Variants in PRRX1 observed in about 807,000 individuals in gnomAD.
The protein encoded by PRRX1 is paired related homeobox 1.
In PRRX1, 8 loss-of-function variants were observed where a neutral mutation model predicts 24.0. The ratio of observed to expected loss-of-function variants is 0.33; its 90% CI spans 0.20 to 0.60. PRRX1 has a LOEUF of 0.60. PRRX1 is among the 20% of genes least tolerant of loss of function. The pLI is 0.82. For missense variants in PRRX1, 281 were observed against 322.4 expected (o/e 0.87, Z 0.98); for synonymous variants, 160 against 131.7 (o/e 1.22, Z -1.47).
intron 1 of PRRX1, among the ~76,000 whole-genome samples, chr1:170,671,467 C>A (rs939034427): frequency 6.6e-6 from 1 of 152,216 alleles, no homozygotes; most frequent in African/African-American, 2.4e-5. Context: ...CGCTGCTTTC[C>A]GCCGGGTAAA....
intron 1 of PRRX1, among the ~76,000 whole-genome samples, chr1:170,712,411 C>T (rs1654780007): frequency 6.6e-6 from 1 of 152,144 alleles, no homozygotes; most frequent in Admixed American, 6.6e-5. Context: ...GTTATGCTCT[C>T]CATCAAACAT....
chr1:170,665,527 A>C (rs924369686), intron 1 of PRRX1, among the ~76,000 whole-genome samples: 1 of 152,190 alleles, frequency 6.6e-6, no homozygotes, highest in South Asian at 2.1e-4. Context: ...GTTGCTTTCT[A>C]TGTCAGTAGT....
intron 1 of PRRX1, among the ~76,000 whole-genome samples, chr1:170,717,506 A>G (rs565765063): frequency 5.3e-5 from 8 of 152,204 alleles, no homozygotes; most frequent in Non-Finnish European, 1.0e-4. Flanking sequence ...AAAACAAGTC[A>G]TGGGATTGGC....
intron 1 of PRRX1, among the ~76,000 whole-genome samples, chr1:170,665,041 G>C (rs866792594): frequency 6.6e-6 from 1 of 152,238 alleles, no homozygotes; most frequent in African/African-American, 2.4e-5. Context: ...CCAGACGCTG[G>C]AGCTGCTCTC....
rs973345162 is a variant in PRRX1, at chr1:170,693,042, A to C, written c.242-26684A>C. On this transcript the variant is annotated intron_variant, in intron 1 of 3. Transcript: ENST00000239461. ...TCCAACCCAACCTTCAATTTATTCCACTTAGGCTAGTCACAGCATTTTTCC... is the reference window on the plus strand; with the variant it reads ...TCCAACCCAACCTTCAATTTATTCCCCTTAGGCTAGTCACAGCATTTTTCC... 8.5e-5 allele frequency among the ~76,000 whole-genome samples: 13 copies of C among 152,092 alleles called. No individual in the cohort carries two copies. The East Asian group carries it at 1.4e-3, about 16-fold the overall frequency.
chr1:170,725,385 G>A (rs1655224535), intron 2 of PRRX1, among the ~76,000 whole-genome samples: 2 of 152,110 alleles, frequency 1.3e-5, no homozygotes, highest in African/African-American at 4.8e-5. Flanking sequence ...CCTACAATTA[G>A]GTGTAGTCTG....
chr1:170,672,533 C>A (rs1285517917), intron 1 of PRRX1, among the ~76,000 whole-genome samples: 2 of 152,170 alleles, frequency 1.3e-5, no homozygotes, highest in Non-Finnish European at 2.9e-5. Context: ...CCTCACAGTG[C>A]TGGAAAGTGG....
chr1:170,730,286 C>A, intron 3 of PRRX1: 1 of 1,610,460 alleles, frequency 6.2e-7, no homozygotes. Flanking sequence ...GATCCTCGTC[C>A]CTCCCAAGAT....
intron 1 of PRRX1, among the ~76,000 whole-genome samples, chr1:170,687,759 C>T (rs1457320763): frequency 6.6e-6 from 1 of 152,204 alleles, no homozygotes; most frequent in East Asian, 1.9e-4. Context: ...ATCACTCAGC[C>T]ATAAAAACTG....
chr1:170,688,623 T>C (rs1653824912), intron 1 of PRRX1, among the ~76,000 whole-genome samples: 2 of 152,136 alleles, frequency 1.3e-5, no homozygotes, highest in African/African-American at 4.8e-5. Context: ...GACTATATCG[T>C]TTCATAGACG....
intron 2 of PRRX1, 95 bp from the exon 3 acceptor site, chr1:170,726,125 A>G (rs1326977308): frequency 6.6e-6 from 8 of 1,205,370 alleles, no homozygotes; most frequent in South Asian, 1.3e-5. Flanking sequence ...AAGGCATTAT[A>G]TAGTAAAATC....
chr1:170,729,022 C>T (rs1055027233), intron 3 of PRRX1: 13 of 152,198 alleles, frequency 8.5e-5, no homozygotes, highest in African/African-American at 3.1e-4. Context: ...ATTCTTGGAA[C>T]ACTGTTGTGT....
Position 170,736,334 on chromosome 1 carries a change from G to A in PRRX1, c.*148G>A. 1 of 1,139,968 alleles carries A rather than the reference G, an allele frequency of 8.8e-7. No individual in the cohort carries two copies. Among genetic ancestry groups the A allele is most frequent in the East Asian group, 2.6e-5 (1 of 38,806 alleles). 70.6% of individuals were successfully genotyped at this position (1,139,968 alleles called of 1,614,324 possible). A position where few individuals can be genotyped will look rare whatever the true frequency, so the allele number is the denominator to read the frequency against. ...ACTAAAATATTGGGACCATGGCAGA[G>A]AAAAGCAGGAGAGGAGCAAAATGAA... On this transcript the variant is annotated 3_prime_UTR_variant, in exon 4 of 4. Coordinates refer to ENST00000239461, the MANE Select transcript of PRRX1 (RefSeq NM_022716.4).
chr1:170,720,052 G>A, intron 2 of PRRX1, 151 bp downstream of exon 2: 1 of 1,036,590 alleles, frequency 9.6e-7, no homozygotes. Flanking sequence ...CACATTGCTT[G>A]AGCTCAGGAG....
intron 1 of PRRX1, among the ~76,000 whole-genome samples, chr1:170,666,376 C>T (rs1008390269): frequency 1.4e-5 from 2 of 140,978 alleles, no homozygotes; most frequent in African/African-American, 5.5e-5. Flanking sequence ...CCAGATAGTG[C>T]CACTGCACTC....
chr1:170,663,200 G>A (rs780191834), upstream of PRRX1: 1 of 152,206 alleles, frequency 6.6e-6, no homozygotes, highest in East Asian at 1.9e-4. Flanking sequence ...GGAAGAAGGA[G>A]ATTGTGATGG....
chr1:170,719,593 C>A, intron 1 of PRRX1, 133 bp from the exon 2 acceptor site: 2 of 994,188 alleles, frequency 2.0e-6, no homozygotes, highest in Non-Finnish European at 3.0e-6. Context: ...TGCAAAGTGG[C>A]ATTTGGCTAT....
chr1:170,681,977 G>A (rs1229525729), intron 1 of PRRX1, among the ~76,000 whole-genome samples: 1 of 152,146 alleles, frequency 6.6e-6, no homozygotes, highest in African/African-American at 2.4e-5. Context: ...TAATTTGGCT[G>A]TTTGGAACTG....
At chr1:170,686,600 A>G (rs1404061210) in intron 1 of PRRX1, among the ~76,000 whole-genome samples, 1 of 152,182 alleles carries the variant, frequency 6.6e-6, no homozygotes. Flanking sequence ...AATAGATGAC[A>G]TTTCGCATTG....
Sources: allele counts gnomAD v4.1 joint callset (sites outside exome capture counted in the v4.1 genomes callset), GRCh38; gene constraint gnomAD v4.1.1; transcripts MANE v1.5; gene names NCBI Gene and HGNC (gene_info 2026-07-23, HGNC 2026-07-21).